Variants in PRDM16 observed in about 807,000 individuals in gnomAD.
The protein encoded by PRDM16 is PR/SET domain 16.
A neutral mutation model predicts 110.6 loss-of-function variants in PRDM16; 23 were observed. The ratio of observed to expected loss-of-function variants is 0.21; its 90% CI spans 0.15 to 0.29. The LOEUF is 0.29. Among genes scored for constraint, PRDM16 ranks in the 10% least tolerant of loss-of-function variants. PRDM16 has a pLI of 1.00. For missense variants in PRDM16, 1,615 were observed against 1,794.3 expected (o/e 0.90, Z 1.81); for synonymous variants, 799 against 781.8 (o/e 1.02, Z -0.37).
intron 3 of PRDM16, among the ~76,000 whole-genome samples, chr1:3,325,617 T>C (rs962309513): frequency 6.6e-6 from 1 of 152,238 alleles, no homozygotes; most frequent in Non-Finnish European, 1.5e-5. Flanking sequence ...CACTGTGTGC[T>C]CTCACAGTTC....
At chr1:3,327,914 G>A (rs1460207515) in intron 3 of PRDM16, among the ~76,000 whole-genome samples, 2 of 152,236 alleles carry the variant, frequency 1.3e-5, no homozygotes, top group East Asian at 3.8e-4. Flanking sequence ...GGCCCAGAGT[G>A]TGTGACCTCA....
intron 3 of PRDM16, among the ~76,000 whole-genome samples, chr1:3,320,168 A>G (rs1033804407): frequency 6.6e-6 from 1 of 152,236 alleles, no homozygotes; most frequent in Non-Finnish European, 1.5e-5. Flanking sequence ...GCACCGAAAT[A>G]AGAACACACA....
intron 1 of PRDM16, among the ~76,000 whole-genome samples, chr1:3,107,781 G>A (rs934351318): frequency 4.6e-5 from 7 of 152,244 alleles, no homozygotes; most frequent in African/African-American, 1.7e-4. Context: ...CCTCCTGGTT[G>A]TGCTGGCTGT....
intron 3 of PRDM16, among the ~76,000 whole-genome samples, chr1:3,274,674 C>T (rs921450254): frequency 2.6e-5 from 4 of 152,218 alleles, no homozygotes; most frequent in Non-Finnish European, 4.4e-5. Context: ...GCCTTGTCTG[C>T]GAGCTGCGTG....
intron 12 of PRDM16, among the ~76,000 whole-genome samples, chr1:3,422,543 G>GC (rs2100685691): frequency 6.6e-6 from 1 of 152,330 alleles, no homozygotes; most frequent in East Asian, 1.9e-4. Context: ...TCCTTTCTCA[G>GC]CAGTCAGTCA....
At chr1:3,285,554 C>T (rs546482697) in intron 3 of PRDM16, among the ~76,000 whole-genome samples, 4 of 152,252 alleles carry the variant, frequency 2.6e-5, no homozygotes, top group South Asian at 2.1e-4. Context: ...CGCTCGGGAG[C>T]TTGGAGCTGT....
intron 3 of PRDM16, among the ~76,000 whole-genome samples, chr1:3,384,271 C>G (rs1048692947): frequency 1.3e-5 from 2 of 152,226 alleles, no homozygotes; most frequent in Non-Finnish European, 2.9e-5. Context: ...CCCCTGCCCT[C>G]CCTCCTGCCC....
At chr1:3,100,362 G>C (rs1391960780) in intron 1 of PRDM16, among the ~76,000 whole-genome samples, 1 of 152,206 alleles carries the variant, frequency 6.6e-6, no homozygotes, top group Non-Finnish European at 1.5e-5. Flanking sequence ...CCTCTACTGG[G>C]TCCTCTCTTC....
At chr1:3,094,455 C>T (rs1028137830) in intron 1 of PRDM16, among the ~76,000 whole-genome samples, 3 of 152,232 alleles carry the variant, frequency 2.0e-5, no homozygotes, top group African/African-American at 7.2e-5. Context: ...GCCGGACTGG[C>T]AGCTGTTAGC....
intron 1 of PRDM16, among the ~76,000 whole-genome samples, chr1:3,116,067 C>T (rs915104266): frequency 6.6e-5 from 10 of 152,164 alleles, no homozygotes; most frequent in East Asian, 3.9e-4. Context: ...TGTGGCCAGC[C>T]GGAGCCCCTC....
chr1:3,144,462 C>A (rs946462283), intron 1 of PRDM16, among the ~76,000 whole-genome samples: 16 of 151,714 alleles, frequency 1.1e-4, no homozygotes, highest in African/African-American at 3.6e-4. Flanking sequence ...AGGTCCCAGG[C>A]AGGGCGTATC....
rs1638945602 is a variant in PRDM16, at chr1:3,213,434, G to A, written c.387+26960G>A. ...ATTGTCATTAATTATAAAATTGGGA[G>A]GACTGTAATTTTCCACTTAGGCTTG... is the stretch of plus-strand genomic sequence containing the variant. On this transcript the variant is annotated intron_variant, in intron 2 of 16. Coordinates refer to ENST00000270722, the MANE Select transcript of PRDM16 (RefSeq NM_022114.4). The surrounding 1 kb of genome is among the most constrained non-coding windows in gnomAD (Gnocchi z 5.3). 6.6e-6 allele frequency among the ~76,000 whole-genome samples: 1 copy of A among 152,162 alleles called. No individual in the cohort carries two copies. The highest frequency in any genetic ancestry group is 1.5e-5 in the Non-Finnish European group (1 of 68,028).
intron 1 of PRDM16, among the ~76,000 whole-genome samples, chr1:3,105,822 C>T (rs990266063): frequency 5.9e-5 from 9 of 152,232 alleles, no homozygotes; most frequent in South Asian, 4.1e-4. Flanking sequence ...CCCCCTGCGG[C>T]GCCCCAGACA....
chr1:3,329,746 G>C (rs1642003581), intron 3 of PRDM16, among the ~76,000 whole-genome samples: 1 of 152,228 alleles, frequency 6.6e-6, no homozygotes, highest in South Asian at 2.1e-4. Context: ...GAGTGGGCAG[G>C]GGCACCCCAG....
chr1:3,314,071 C>CGGGGTGGGGGG (rs1553161918), intron 3 of PRDM16, among the ~76,000 whole-genome samples: 1 of 100,656 alleles, frequency 9.9e-6, no homozygotes, highest in African/African-American at 6.1e-5. Flanking sequence ...CCTTCCCCAC[C>CGGGGTGGGGGG]GGGGGGGGGG....
At chr1:3,093,830 G>A (rs1642330775) in intron 1 of PRDM16, among the ~76,000 whole-genome samples, 1 of 152,222 alleles carries the variant, frequency 6.6e-6, no homozygotes, top group Non-Finnish European at 1.5e-5. Context: ...CGAAGCGCAG[G>A]GAAGGAGGGG....
chr1:3,364,051 TC>T (rs1457920602), intron 3 of PRDM16, among the ~76,000 whole-genome samples: 1 of 151,772 alleles, frequency 6.6e-6, no homozygotes, highest in Non-Finnish European at 1.5e-5. Context: ...TTCACATGCC[TC>T]CCCCGCATCT....
chr1:3,185,994 T>C, intron 1 of PRDM16, 131 bp from the exon 2 acceptor site: 2 of 714,084 alleles, frequency 2.8e-6, no homozygotes, highest in Admixed American at 2.4e-5. Flanking sequence ...CGGGCAGGGG[T>C]GGCAGCCGGG....
chr1:3,089,575 C>G (rs567101627), intron 1 of PRDM16, among the ~76,000 whole-genome samples: 10 of 152,230 alleles, frequency 6.6e-5, no homozygotes, highest in African/African-American at 2.4e-4. Context: ...TTTATTTGGG[C>G]CTTTCTACAA....
Sources: allele counts gnomAD v4.1 joint callset (sites outside exome capture counted in the v4.1 genomes callset), GRCh38; gene constraint gnomAD v4.1.1; non-coding constraint Gnocchi (gnomAD v3.1); transcripts MANE v1.5; gene names NCBI Gene and HGNC (gene_info 2026-07-23, HGNC 2026-07-21).